The following ABLIM1 variants were observed in gnomAD, a reference collection of about 807,000 sequenced individuals.
ABLIM1 encodes the protein actin binding LIM protein 1.
In ABLIM1, 40 loss-of-function variants were observed where a neutral mutation model predicts 107.0. That is an observed-to-expected ratio of 0.37 (90% CI 0.29 to 0.49). The LOEUF (loss-of-function observed/expected upper bound fraction) is 0.49, where lower values mean the gene tolerates loss of function less well. Ranked by LOEUF, ABLIM1 falls within the 20% of genes least tolerant of loss-of-function variation. The pLI is 0.97. For synonymous variants in ABLIM1, 357 were observed against 357.3 expected, an observed-to-expected ratio of 1.00 and a Z score of 0.01; for missense variants, 857 against 1,008.5, an observed-to-expected ratio of 0.85 and a Z score of 2.04.
At chr10:114,457,317 T>A (rs575776310) in intron 12 of ABLIM1, among the ~76,000 whole-genome samples, 54 of 152,306 alleles carry the variant, frequency 3.5e-4, no homozygotes, top group Non-Finnish European at 5.6e-4. Context: ...TTGCCCAGGC[T>A]GTAGTGCAGT....
the ABLIM1 span, among the ~76,000 whole-genome samples, chr10:114,784,436 G>C: frequency 1.5e-4 from 23 of 151,852 alleles, no homozygotes; most frequent in Admixed American, 1.4e-3. Flanking sequence ...AGGCCAAGGT[G>C]GGTGGATCAC....
intron 6 of ABLIM1, 87 bp downstream of exon 6, chr10:114,544,918 G>C (rs1315429870): frequency 8.4e-7 from 1 of 1,189,810 alleles, no homozygotes; most frequent in Non-Finnish European, 1.3e-6. Flanking sequence ...AAAGATGGAG[G>C]AGGTGGGAAA....
upstream of ABLIM1, among the ~76,000 whole-genome samples, chr10:114,687,784 T>C (rs1233784307): frequency 6.6e-6 from 1 of 152,156 alleles, no homozygotes; most frequent in Non-Finnish European, 1.5e-5. Context: ...CAAATTGAAT[T>C]CCACATGAAA....
intron 1 of ABLIM1, among the ~76,000 whole-genome samples, chr10:114,657,288 G>T (rs1275185441): frequency 6.6e-6 from 1 of 152,138 alleles, no homozygotes; most frequent in East Asian, 1.9e-4. Context: ...CTTTGACAAG[G>T]TGTGAGCAGT....
chr10:114,457,864 G>A (rs1040396473), intron 12 of ABLIM1, among the ~76,000 whole-genome samples: 2 of 152,108 alleles, frequency 1.3e-5, no homozygotes, highest in Admixed American at 1.3e-4. Context: ...TTGAGGTCAG[G>A]AGTTTGAGAC....
At chr10:114,454,026 A>G (rs928946748) in intron 12 of ABLIM1, among the ~76,000 whole-genome samples, 1 of 152,178 alleles carries the variant, frequency 6.6e-6, no homozygotes, top group African/African-American at 2.4e-5. Flanking sequence ...GCGTGTTTGC[A>G]TATGTTTCTG....
At chr10:114,607,125 C>A (rs11196801) in intron 1 of ABLIM1, among the ~76,000 whole-genome samples, 14,707 of 152,132 alleles carry the variant, frequency 0.097, 1,090 homozygotes, top group East Asian at 0.39. Flanking sequence ...TGCAGTGGTG[C>A]GATCTTGGCT....
chr10:114,675,916 T>A (rs891696562), intron 1 of ABLIM1, among the ~76,000 whole-genome samples: 9 of 152,178 alleles, frequency 5.9e-5, no homozygotes, highest in Admixed American at 5.9e-4. Context: ...CATTTTTACC[T>A]ATGCATGTCC....
chr10:114,452,310 G>A (rs994060939), intron 13 of ABLIM1, among the ~76,000 whole-genome samples: 3 of 151,922 alleles, frequency 2.0e-5, no homozygotes, highest in African/African-American at 4.8e-5. Flanking sequence ...CTTGGATTAT[G>A]GAACCATTTT....
At position 114,469,264 on chromosome 10, in the gene ABLIM1, A is replaced by G. The variant is rs1359602318; in HGVS notation, c.1276-1048T>C. Among the ~76,000 whole-genome samples the G allele has an allele frequency of 1.3e-5, 2 of 152,182 alleles. 1 individual carries two copies. Among genetic ancestry groups the G allele is most frequent in the Non-Finnish European group, 2.9e-5 (2 of 68,034 alleles). ...ACAGCAATCACCATAAAATAGTTTG[A>G]TAACTAAAATAGGACTTTGGTGACC... On this transcript the variant is annotated intron_variant, in intron 10 of 22. Coordinates refer to ENST00000533213, the MANE Select transcript of ABLIM1 (RefSeq NM_002313.7).
chr10:114,565,788 C>CT (rs577896964), intron 4 of ABLIM1, among the ~76,000 whole-genome samples: 1,210 of 100,850 alleles, frequency 0.012, 142 homozygotes, highest in Non-Finnish European at 0.019. Context: ...GAAATGATTT[C>CT]TTTTTTTTTT....
rs59196572 is a variant in ABLIM1 at position 114,484,701 on chromosome 10, G to A, written c.1041+3257C>T. Reference sequence around the variant, plus strand: ...CCTGGTCTCACTCTTCCTTTCTTGAGTGAAACCACTCCCTACCCAAGCACT... The same window carrying A: ...CCTGGTCTCACTCTTCCTTTCTTGAATGAAACCACTCCCTACCCAAGCACT... On this transcript the variant is annotated intron_variant, in intron 8 of 22. Transcript: ENST00000533213. Among the ~76,000 whole-genome samples the A allele has an allele frequency of 7.5e-3, 1,139 of 152,212 alleles. 18 individuals carry two copies. The highest frequency in any genetic ancestry group is 0.026 in the African/African-American group (1,066 of 41,524).
chr10:114,470,222 C>T (rs747623128), intron 10 of ABLIM1, among the ~76,000 whole-genome samples: 25 of 151,966 alleles, frequency 1.6e-4, no homozygotes, highest in Admixed American at 1.3e-3. Context: ...CAGGAGTTCA[C>T]GACCAGCCTG....
chr10:114,557,112 A>T (rs149899982), intron 4 of ABLIM1, among the ~76,000 whole-genome samples: 14 of 152,354 alleles, frequency 9.2e-5, no homozygotes, highest in African/African-American at 3.4e-4. Flanking sequence ...AGGGGGTCTC[A>T]ATACTATACA....
chr10:114,718,102 A>AGAAGG (rs1169165111), intron 1 of ABLIM1, among the ~76,000 whole-genome samples: 1 of 86,036 alleles, frequency 1.2e-5, no homozygotes, highest in African/African-American at 4.4e-5. Context: ...AGGAAAAGAA[A>AGAAGG]AAGAAAAAGA....
chr10:114,727,960 C>T lies in ABLIM1; in HGVS notation c.-213+40101G>A, dbSNP rs34937709. Among the ~76,000 whole-genome samples, 1,518 of 152,156 alleles carry T rather than the reference C, an allele frequency of 1.0e-2. 25 individuals carry two copies. The highest frequency in any genetic ancestry group is 0.033 in the African/African-American group (1,388 of 41,506). On this transcript the variant is annotated intron_variant, in intron 1 of 15. Coordinates refer to the ABLIM1 transcript ENST00000651092. ...AAATAAAATTTCTGTTCAAAAACAG[C>T]CACCATAAAAACAAACTGGGAGATG... is the stretch of plus-strand genomic sequence containing the variant.
chr10:114,736,757 A>G (rs534961454), intron 1 of ABLIM1, among the ~76,000 whole-genome samples: 3 of 152,298 alleles, frequency 2.0e-5, no homozygotes, highest in South Asian at 2.1e-4. Flanking sequence ...GTTTGCAAGT[A>G]TATGTTGCTG....
chr10:114,563,269 T>C (rs2070061635), intron 4 of ABLIM1, among the ~76,000 whole-genome samples: 1 of 152,190 alleles, frequency 6.6e-6, no homozygotes, highest in Non-Finnish European at 1.5e-5. Flanking sequence ...GTGTTGTTTT[T>C]CAATGAATAC....
chr10:114,732,949 T>C (rs983954052), intron 1 of ABLIM1, among the ~76,000 whole-genome samples: 1 of 152,226 alleles, frequency 6.6e-6, no homozygotes, highest in African/African-American at 2.4e-5. Context: ...CCTCATTTAA[T>C]GTTCAGATTC....
Sources: allele counts gnomAD v4.1 joint callset (sites outside exome capture counted in the v4.1 genomes callset), GRCh38; gene constraint gnomAD v4.1.1; transcripts MANE v1.5; gene names NCBI Gene and HGNC (gene_info 2026-07-23, HGNC 2026-07-21).